The following ITPR2 variants were observed in gnomAD, a reference collection of about 807,000 sequenced individuals.
ITPR2 encodes inositol 1,4,5-trisphosphate receptor type 2.
Under a neutral mutation model 317.1 loss-of-function variants are expected in ITPR2, and 207 were observed. The observed-to-expected ratio is 0.65, with a 90% CI of 0.58 to 0.73. The LOEUF (loss-of-function observed/expected upper bound fraction) is 0.73, where lower values mean the gene tolerates loss of function less well. ITPR2 is among the 30% of genes least tolerant of loss of function. ITPR2 has a pLI of 0.00. For missense variants in ITPR2, 2,613 were observed against 3,284.0 expected (o/e 0.80, Z 4.99); for synonymous variants, 1,156 against 1,149.1 (o/e 1.01, Z -0.12).
chr12:26,395,337 G>T (rs1339212925), intron 54 of ITPR2, among the ~76,000 whole-genome samples: 1 of 152,134 alleles, frequency 6.6e-6, no homozygotes, highest in African/African-American at 2.4e-5. Flanking sequence ...CAGTTATTGT[G>T]ATGTTTAAAG....
intron 34 of ITPR2, among the ~76,000 whole-genome samples, chr12:26,573,444 A>G (rs1945209415): frequency 6.6e-6 from 1 of 152,116 alleles, no homozygotes; most frequent in African/African-American, 2.4e-5. Flanking sequence ...TCTTTTTATC[A>G]TTTACATGCT....
At chr12:26,593,616 T>C (rs945269575) in intron 32 of ITPR2, among the ~76,000 whole-genome samples, 7 of 152,220 alleles carry the variant, frequency 4.6e-5, no homozygotes, top group Admixed American at 2.0e-4. Flanking sequence ...AGCTAAGTTA[T>C]TGTGGTTAGA....
chr12:26,724,955 A>G (rs1416060911), intron 3 of ITPR2, among the ~76,000 whole-genome samples: 1 of 152,048 alleles, frequency 6.6e-6, no homozygotes, highest in Non-Finnish European at 1.5e-5. Flanking sequence ...TATTCATCCA[A>G]GTATTTGGAA....
chr12:26,591,336 T>C (rs7307763), intron 32 of ITPR2, among the ~76,000 whole-genome samples: 109,863 of 151,974 alleles, frequency 0.72, 41,224 homozygotes, highest in Non-Finnish European at 0.83. Flanking sequence ...TGAAAAGGTG[T>C]TCAACATCAT....
chr12:26,781,440 A>T (rs978628593), intron 2 of ITPR2, among the ~76,000 whole-genome samples: 5 of 152,104 alleles, frequency 3.3e-5, no homozygotes, highest in Non-Finnish European at 7.4e-5. Flanking sequence ...AGATTTATTG[A>T]CCTCATATCA....
chr12:26,570,860 T>C lies in ITPR2; in HGVS notation c.4630+7853A>G, dbSNP rs75777592. On this transcript the variant is annotated intron_variant, in intron 34 of 56. Coordinates refer to ENST00000381340, the MANE Select transcript of ITPR2 (RefSeq NM_002223.4). ...ATTAAAAAAATTCGCATAGCCTTAA[T>C]GCCCTGAACGTTTCTCAAATCTCTG... Among the ~76,000 whole-genome samples the C allele has an allele frequency of 8.2e-3, 1,254 of 152,342 alleles. 13 individuals carry two copies. The highest frequency in any genetic ancestry group is 0.018 in the African/African-American group (752 of 41,588).
rs570774049 is a variant in ITPR2 at position 26,376,979 on chromosome 12, C to G, written c.7857+10455G>C. Among the ~76,000 whole-genome samples, 9 of 152,160 alleles carry G rather than the reference C, an allele frequency of 5.9e-5. No individual in the cohort carries two copies. The East Asian group carries it at 1.7e-3, about 29-fold the overall frequency. ...CCTGACCTCAGGTGATCCACCTGTCCCAGCCTCCCAAAGTGCTGGGATTAC... is the reference window on the plus strand; with the variant it reads ...CCTGACCTCAGGTGATCCACCTGTCGCAGCCTCCCAAAGTGCTGGGATTAC... On this transcript the variant is annotated intron_variant, in intron 55 of 56. Coordinates refer to ENST00000381340, the MANE Select transcript of ITPR2 (RefSeq NM_002223.4).
At chr12:26,433,085 A>T (rs1418180197) in intron 48 of ITPR2, among the ~76,000 whole-genome samples, 1 of 152,220 alleles carries the variant, frequency 6.6e-6, no homozygotes, top group African/African-American at 2.4e-5. Flanking sequence ...TGTGCAACAG[A>T]TTAAGACTAA....
In ITPR2 at chr12:26,669,701, TCAGTGGGTGCAGCG is replaced by T. The variant is rs536101168; in HGVS notation, c.1410-3664_1410-3651del. Among the ~76,000 whole-genome samples, 955 of 152,238 alleles carry T rather than the reference TCAGTGGGTGCAGCG, an allele frequency of 6.3e-3. 9 individuals carry two copies. Among genetic ancestry groups the T allele is most frequent in the Middle Eastern group, 0.02 (6 of 294 alleles). On this transcript the variant is annotated intron_variant, in intron 13 of 56. Transcript: ENST00000381340. ...GGGAGTGCCAGACAGTGGGCGCAGG[TCAGTGGGTGCAGCG>T]CACCATGCGCGAGCCGAAGCAGTGC...
At chr12:26,577,701 AT>A (rs765383017) in intron 34 of ITPR2, among the ~76,000 whole-genome samples, 40 of 152,202 alleles carry the variant, frequency 2.6e-4, no homozygotes, top group South Asian at 6.2e-4. Context: ...TTGTATTCAA[AT>A]CAAAATCAGG....
chr12:26,768,583 A>AAAAC (rs1949780510), intron 2 of ITPR2, among the ~76,000 whole-genome samples: 1 of 147,222 alleles, frequency 6.8e-6, no homozygotes, highest in East Asian at 2.0e-4. Context: ...AAAAAAAAAA[A>AAAAC]AAAAAAAAAA....
At chr12:26,715,603 A>T in intron 7 of ITPR2, 149 bp downstream of exon 7, 1 of 792,050 alleles carries the variant, frequency 1.3e-6, no homozygotes, top group East Asian at 2.7e-5. Context: ...TGTGGGGGGG[A>T]AATTCAGTAA....
chr12:26,485,434 C>T (rs1427223506), intron 41 of ITPR2, among the ~76,000 whole-genome samples: 1 of 152,174 alleles, frequency 6.6e-6, no homozygotes, highest in Non-Finnish European at 1.5e-5. Flanking sequence ...TTAGGATAGG[C>T]CCATGGGCAC....
intron 37 of ITPR2, among the ~76,000 whole-genome samples, chr12:26,539,522 G>A (rs982343387): frequency 2.6e-5 from 4 of 152,072 alleles, no homozygotes; most frequent in African/African-American, 4.8e-5. Context: ...GATCCAGGAC[G>A]AGCGCCCTTC....
At chr12:26,418,874 G>GA (rs547007780) in intron 50 of ITPR2, among the ~76,000 whole-genome samples, 175 bp downstream of exon 50, 8 of 151,410 alleles carry the variant, frequency 5.3e-5, no homozygotes, top group Non-Finnish European at 1.2e-4. Flanking sequence ...GTTTCCCAAA[G>GA]AAAAAAGATT....
rs1336413028 is a variant in ITPR2, at chr12:26,425,349, A to G, written c.6945+2564T>C. On this transcript the variant is annotated intron_variant, in intron 49 of 56. Transcript: ENST00000381340. ...ATTCCACTGAATGTGTTTGTCCCAA[A>G]TTAAAGTTGATTTTTTTTTGGTCAA... Among the ~76,000 whole-genome samples the G allele has an allele frequency of 2.6e-5, 4 of 152,178 alleles. No individual in the cohort carries two copies. The East Asian group carries it at 5.8e-4, about 22-fold the overall frequency.
chr12:26,384,254 T>C (rs552835718), intron 55 of ITPR2, among the ~76,000 whole-genome samples: 1 of 152,328 alleles, frequency 6.6e-6, no homozygotes, highest in South Asian at 2.1e-4. Flanking sequence ...TCCACAGAGC[T>C]TGGAGTAACA....
chr12:26,726,352 G>T (rs1396895915), intron 2 of ITPR2, among the ~76,000 whole-genome samples: 1 of 152,096 alleles, frequency 6.6e-6, no homozygotes, highest in East Asian at 1.9e-4. Context: ...TAAACATCAA[G>T]ATAGAAAATC....
intron 1 of ITPR2, among the ~76,000 whole-genome samples, chr12:26,797,950 C>G (rs1193377664): frequency 6.6e-6 from 1 of 152,054 alleles, no homozygotes; most frequent in Non-Finnish European, 1.5e-5. Flanking sequence ...CCTCGGCCTC[C>G]CAAAGTGCTG....
Sources: allele counts gnomAD v4.1 joint callset (sites outside exome capture counted in the v4.1 genomes callset), GRCh38; gene constraint gnomAD v4.1.1; transcripts MANE v1.5; gene names NCBI Gene and HGNC (gene_info 2026-07-23, HGNC 2026-07-21).